OPRM1: variants seen among roughly 807,000 people sequenced by gnomAD.
OPRM1 encodes the protein mu-type opioid receptor.
OPRM1 carries 27 observed loss-of-function variants against 31.8 expected under a neutral mutation model. The observed-to-expected ratio is 0.85, with a 90% CI of 0.63 to 1.17. OPRM1 has a LOEUF of 1.17. OPRM1 is among the 50% of genes most tolerant of loss of function. OPRM1 has a pLI of 0.00. For missense variants in OPRM1, 536 were observed against 511.1 expected (o/e 1.05, Z -0.47); for synonymous variants, 196 against 189.9 (o/e 1.03, Z -0.26).
intron 1 of OPRM1, among the ~76,000 whole-genome samples, chr6:154,025,811 C>A (rs57544101): frequency 0.089 from 13,529 of 151,938 alleles, 1,075 homozygotes; most frequent in African/African-American, 0.21. Context: ...AGGTAAAAAA[C>A]CCCAAAAAAC....
At chr6:154,087,275 A>C (rs1664357387) in intron 1 of OPRM1, 2 of 985,334 alleles carry the variant, frequency 2.0e-6, no homozygotes, top group South Asian at 4.7e-5. Flanking sequence ...TTATGAAATC[A>C]CTTTCCTGAT....
At position 154,225,596 on chromosome 6, in the gene OPRM1, G is replaced by C. The variant is rs1026286394; in HGVS notation, c.1165-21097G>C. Among the ~76,000 whole-genome samples the C allele has an allele frequency of 3.9e-5, 6 of 152,300 alleles. No homozygotes were observed. In the East Asian group the frequency reaches 1.2e-3, roughly 29 times the overall value. On this transcript the variant is annotated intron_variant, in intron 3 of 3. Transcript: ENST00000337049. ...TAGCTACCAGGGTCCCAGGCAGTAGGAAATAGGGAGCAACTGCTCAATGGG... is the reference window on the plus strand; with the variant it reads ...TAGCTACCAGGGTCCCAGGCAGTAGCAAATAGGGAGCAACTGCTCAATGGG...
chr6:154,235,454 C>T (rs1780042167), intron 3 of OPRM1, among the ~76,000 whole-genome samples: 1 of 150,526 alleles, frequency 6.6e-6, no homozygotes, highest in African/African-American at 2.5e-5. Flanking sequence ...TCACTTGAAC[C>T]CGGGAGGCAG....
downstream of OPRM1, among the ~76,000 whole-genome samples, chr6:154,136,919 A>C (rs1562503343): frequency 6.6e-6 from 1 of 152,234 alleles, no homozygotes; most frequent in African/African-American, 2.4e-5. Context: ...CTTTGAAAGC[A>C]GCTCACATTT....
intron 3 of OPRM1, among the ~76,000 whole-genome samples, chr6:154,175,968 T>C (rs1800289695): frequency 6.6e-6 from 1 of 152,144 alleles, no homozygotes; most frequent in South Asian, 2.1e-4. Flanking sequence ...AAAAAGCTTA[T>C]CCACCACAAT....
intron 1 of OPRM1, among the ~76,000 whole-genome samples, chr6:154,016,419 T>C (rs1003092945): frequency 1.3e-5 from 2 of 152,098 alleles, no homozygotes; most frequent in Admixed American, 1.3e-4. Context: ...TACCTAAGGA[T>C]AGAAGAGAAT....
At chr6:154,040,797 C>T (rs570404587) in intron 1 of OPRM1, among the ~76,000 whole-genome samples, 4 of 152,210 alleles carry the variant, frequency 2.6e-5, no homozygotes, top group African/African-American at 7.2e-5. Flanking sequence ...CCCAGATGTT[C>T]CCGGTATATT....
intron 3 of OPRM1, among the ~76,000 whole-genome samples, chr6:154,227,542 A>G (rs1386659384): frequency 6.6e-6 from 1 of 152,100 alleles, no homozygotes; most frequent in African/African-American, 2.4e-5. Context: ...AACATGGTGA[A>G]ATCCCATCTC....
At chr6:154,087,315 A>C in intron 1 of OPRM1, 1 of 985,468 alleles carries the variant, frequency 1.0e-6, no homozygotes, top group Non-Finnish European at 1.2e-6. Context: ...TTTCCTGGAC[A>C]CTGAATTCAG....
intron 3 of OPRM1, among the ~76,000 whole-genome samples, chr6:154,178,508 T>A (rs1170785440): frequency 2.0e-5 from 3 of 152,168 alleles, no homozygotes; most frequent in African/African-American, 7.2e-5. Flanking sequence ...TTCCTCCCCC[T>A]CTTCCATTTC....
rs1189362245 is a variant in OPRM1 at position 154,121,357 on chromosome 6, A to G, written c.*2636A>G. Among the ~76,000 whole-genome samples, 1 of 152,192 alleles carries G rather than the reference A, an allele frequency of 6.6e-6. No individual in the cohort carries two copies. The highest frequency in any genetic ancestry group is 2.4e-5 in the African/African-American group (1 of 41,452). The stretch of plus-strand genomic sequence containing the variant: ...CTTTCCTTGCCAATCATTAGAAAGG[A>G]AAGAAGAGGAAAGAGACTCGCTGGA... On this transcript the variant is annotated 3_prime_UTR_variant, in exon 4 of 4. Coordinates refer to ENST00000330432, the MANE Select transcript of OPRM1 (RefSeq NM_000914.5).
At chr6:154,153,832 C>T (rs1488036443) in intron 3 of OPRM1, among the ~76,000 whole-genome samples, 2 of 152,164 alleles carry the variant, frequency 1.3e-5, no homozygotes, top group Non-Finnish European at 2.9e-5. Flanking sequence ...GAAATGGATT[C>T]TCCCCCAGAG....
intron 1 of OPRM1, among the ~76,000 whole-genome samples, chr6:154,030,489 A>G (rs1778946230): frequency 6.6e-6 from 1 of 152,232 alleles, no homozygotes; most frequent in African/African-American, 2.4e-5. Context: ...GTGTGCTTGG[A>G]CACTTTCAAG....
downstream of OPRM1, among the ~76,000 whole-genome samples, chr6:154,134,844 A>T (rs1798015584): frequency 6.6e-6 from 1 of 152,130 alleles, no homozygotes; most frequent in Non-Finnish European, 1.5e-5. Flanking sequence ...TCCAAAGAAA[A>T]CCACTATTTG....
chr6:154,042,176 C>A (rs1780205745), intron 1 of OPRM1, among the ~76,000 whole-genome samples: 1 of 152,170 alleles, frequency 6.6e-6, no homozygotes, highest in South Asian at 2.1e-4. Flanking sequence ...TTAGGTAACC[C>A]TCTTGGAATG....
chr6:154,014,683 G>T (rs2128377058), intron 1 of OPRM1, among the ~76,000 whole-genome samples: 2 of 152,198 alleles, frequency 1.3e-5, no homozygotes, highest in South Asian at 4.1e-4. Context: ...CATTTATGTG[G>T]TATATGCATT....
intron 3 of OPRM1, among the ~76,000 whole-genome samples, chr6:154,202,568 T>G (rs1233718588): frequency 6.6e-6 from 1 of 152,196 alleles, no homozygotes; most frequent in African/African-American, 2.4e-5. Context: ...CCAAATAAGC[T>G]TTTCCTCTTA....
chr6:154,208,077 C>A lies in OPRM1; in HGVS notation c.1165-38616C>A, dbSNP rs1413888880. 3.3e-5 allele frequency among the ~76,000 whole-genome samples: 5 copies of A among 151,966 alleles called. 1 individual carries two copies. Among genetic ancestry groups the A allele is most frequent in the Non-Finnish European group, 7.4e-5 (5 of 68,006 alleles). ...ACTTCCCAGTGTCTGTTGCACAGAG[C>A]AGATTGGGGGCTCCATTTGAAATGG... On this transcript the variant is annotated intron_variant, in intron 3 of 3. Coordinates refer to the OPRM1 transcript ENST00000337049.
intron 3 of OPRM1, among the ~76,000 whole-genome samples, chr6:154,232,970 T>TC (rs1740190096): frequency 7.4e-6 from 1 of 135,376 alleles, no homozygotes; most frequent in African/African-American, 2.8e-5. Flanking sequence ...TTTTCTTTTC[T>TC]TTTTTTTTTT....
Sources: gnomAD v4.1 joint callset for allele counts (sites outside exome capture counted in the v4.1 genomes callset) on GRCh38, gnomAD v4.1.1 for gene constraint, MANE v1.5 for transcripts, NCBI Gene and HGNC (gene_info 2026-07-23, HGNC 2026-07-21) for gene names.